SUZ12: variants seen among roughly 807,000 people sequenced by gnomAD.
SUZ12 encodes SUZ12 polycomb repressive complex 2 subunit.
SUZ12 carries 17 observed loss-of-function variants against 87.3 expected under a neutral mutation model. The observed-to-expected ratio is 0.19, with a 90% CI of 0.13 to 0.29. SUZ12 has a LOEUF of 0.29. SUZ12 is among the 10% of genes least tolerant of loss of function. The probability of loss-of-function intolerance (pLI) is 1.00; values close to 1 mark genes in which losing one functional copy is unlikely to be tolerated. For missense variants in SUZ12, 526 were observed against 912.2 expected, an observed-to-expected ratio of 0.58 and a Z score of 5.45; for synonymous variants, 253 against 312.4, an observed-to-expected ratio of 0.81 and a Z score of 2.01.
At chr17:31,946,756 A>G (rs1257714195) in intron 3 of SUZ12, among the ~76,000 whole-genome samples, 1 of 152,216 alleles carries the variant, frequency 6.6e-6, no homozygotes, top group Non-Finnish European at 1.5e-5. Context: ...TCTTATCTCT[A>G]GAACATGTCA....
At chr17:31,939,400 A>G (rs1906131983) in intron 1 of SUZ12, among the ~76,000 whole-genome samples, 2 of 151,926 alleles carry the variant, frequency 1.3e-5, no homozygotes, top group South Asian at 4.1e-4. Flanking sequence ...CCCCTTTTCA[A>G]AAAAAGAAAA....
At chr17:31,937,642 G>T (rs1420177351) in intron 1 of SUZ12, 122 bp downstream of exon 1, 3 of 1,336,898 alleles carry the variant, frequency 2.2e-6, no homozygotes, top group African/African-American at 1.6e-5. Context: ...GGGAGGAATT[G>T]AGGGGATGTC....
At chr17:31,960,305 G>A (rs1346074469) in intron 4 of SUZ12, among the ~76,000 whole-genome samples, 1 of 152,058 alleles carries the variant, frequency 6.6e-6, no homozygotes, top group Non-Finnish European at 1.5e-5. Context: ...CCGCCTCCCA[G>A]GTTTAAGCGA....
At chr17:31,964,227 G>A (rs1907945538) in intron 4 of SUZ12, among the ~76,000 whole-genome samples, 1 of 151,154 alleles carries the variant, frequency 6.6e-6, no homozygotes, top group Non-Finnish European at 1.5e-5. Flanking sequence ...GGGTTTCACC[G>A]TGTTAGCCAG....
At chr17:31,942,721 A>C (rs1906381420) in intron 3 of SUZ12, among the ~76,000 whole-genome samples, 1 of 152,210 alleles carries the variant, frequency 6.6e-6, no homozygotes, top group African/African-American at 2.4e-5. Context: ...TTAAATCATT[A>C]GATTTTAAAG....
intron 5 of SUZ12, among the ~76,000 whole-genome samples, chr17:31,971,038 A>AATAT (rs1259730308): frequency 6.6e-6 from 1 of 152,134 alleles, no homozygotes; most frequent in Non-Finnish European, 1.5e-5. Flanking sequence ...TTACATAGAG[A>AATAT]ATATAGACTA....
At chr17:31,944,260 C>G (rs1030932671) in intron 3 of SUZ12, among the ~76,000 whole-genome samples, 4 of 151,948 alleles carry the variant, frequency 2.6e-5, no homozygotes, top group African/African-American at 9.7e-5. Flanking sequence ...TCCCGAGTAG[C>G]TGGGATTACA....
chr17:31,996,289 A>C (rs149850588), intron 14 of SUZ12, among the ~76,000 whole-genome samples: 2 of 152,112 alleles, frequency 1.3e-5, no homozygotes. Flanking sequence ...TTTCATTTCT[A>C]TATTTATAGG....
intron 4 of SUZ12, among the ~76,000 whole-genome samples, chr17:31,964,947 A>G (rs759665489): frequency 7.9e-5 from 12 of 151,778 alleles, no homozygotes; most frequent in Non-Finnish European, 1.8e-4. Flanking sequence ...GCGCCATTGC[A>G]CTCCAACCTG....
At chr17:31,951,509 G>A (rs1906977180) in intron 4 of SUZ12, among the ~76,000 whole-genome samples, 1 of 148,260 alleles carries the variant, frequency 6.7e-6, no homozygotes, top group Non-Finnish European at 1.5e-5. Context: ...TTGAGACGGA[G>A]TCTCGCTCTG....
In SUZ12 at chr17:31,994,707, T is replaced by G; in HGVS notation, c.1581T>G (p.His527Gln). 6.2e-7 allele frequency: 1 copy of G among 1,613,716 alleles called. No individual in the cohort carries two copies. The highest frequency in any genetic ancestry group is 8.5e-7 in the Non-Finnish European group (1 of 1,179,892). ...CAGTTAAGAGAACACCTATCACACA[T>G]ATTCTTGTGTGCAGGTAGGTAAAAA... ...NGPVKRTPIT[H>Q]ILVCRPKRTK... Residue 527 changes from histidine to glutamine, a missense_variant, in exon 13 of 16, where the codon CAT becomes CAG. His to Gln is a conservative substitution (Grantham distance 24). Coordinates refer to ENST00000322652, the MANE Select transcript of SUZ12 (RefSeq NM_015355.4).
intron 1 of SUZ12, 85 bp downstream of exon 1, chr17:31,937,605 T>G (rs908995185): frequency 3.3e-6 from 5 of 1,501,200 alleles, no homozygotes; most frequent in Non-Finnish European, 4.4e-6. Flanking sequence ...CCCTTCCTCC[T>G]CGGGAGTCCA....
intron 10 of SUZ12, among the ~76,000 whole-genome samples, chr17:31,991,212 A>T (rs1909705103): frequency 6.6e-6 from 1 of 152,108 alleles, no homozygotes; most frequent in African/African-American, 2.4e-5. Context: ...GGTCAGATTA[A>T]AGAGATATAA....
chr17:31,982,892 A>G (rs1255708959), intron 8 of SUZ12, 107 bp from the exon 9 acceptor site: 17 of 1,364,310 alleles, frequency 1.2e-5, no homozygotes. Context: ...TATGTAAGCT[A>G]GTTTATAAAT....
chr17:31,999,474 T>C lies in SUZ12; in HGVS notation c.*471T>C, dbSNP rs1260668672. 2.2e-5 allele frequency: 5 copies of C among 231,358 alleles called. No individual in the cohort carries two copies. The Admixed American group carries it at 2.3e-4, about 10-fold the overall frequency. The allele number at this position is 231,358 out of a possible 1,614,324, so 14.3% of individuals were successfully genotyped here. On this transcript the variant is annotated 3_prime_UTR_variant, in exon 16 of 16. Coordinates refer to ENST00000322652, the MANE Select transcript of SUZ12 (RefSeq NM_015355.4). ...AAGGAAAAAAATAGAAATTGAAGGA[T>C]TTTTATGAAATTATATTGCATTACT...
At chr17:31,957,894 C>CTTTT (rs1567818962) in intron 4 of SUZ12, among the ~76,000 whole-genome samples, 114 of 123,270 alleles carry the variant, frequency 9.2e-4, no homozygotes, top group African/African-American at 3.0e-3. Flanking sequence ...CACCTTTTGT[C>CTTTT]CTTTTTTTTT....
Position 31,968,656 on chromosome 17 carries a change from G to T in SUZ12, c.505+2460G>T, listed in dbSNP as rs369174649. Reference sequence around the variant, plus strand: ...TAGAAGTAACCTGGGTAGCATTACGGTTTTTGTTTTCCTTAAATTATTTGT... The same window carrying T: ...TAGAAGTAACCTGGGTAGCATTACGTTTTTTGTTTTCCTTAAATTATTTGT... On this transcript the variant is annotated intron_variant, in intron 5 of 15. Coordinates refer to ENST00000322652, the MANE Select transcript of SUZ12 (RefSeq NM_015355.4). 2.2e-3 allele frequency among the ~76,000 whole-genome samples: 334 copies of T among 152,256 alleles called. 1 individual carries two copies. Among genetic ancestry groups the T allele is most frequent in the African/African-American group, 7.3e-3 (304 of 41,544 alleles).
intron 9 of SUZ12, among the ~76,000 whole-genome samples, chr17:31,987,284 C>T (rs961426983): frequency 1.3e-4 from 20 of 152,096 alleles, no homozygotes; most frequent in Non-Finnish European, 2.6e-4. Flanking sequence ...TGTTTTAGTT[C>T]AAGGTGACAT....
Position 31,939,298 on chromosome 17 carries a change from A to T in SUZ12, c.275-988A>T, listed in dbSNP as rs1300756539. ...ATTGACTGACTTTTGAGTGCAGTGGATCCCACCTGTAATCCTAGCTACTCT... is the reference window on the plus strand; with the variant it reads ...ATTGACTGACTTTTGAGTGCAGTGGTTCCCACCTGTAATCCTAGCTACTCT... On this transcript the variant is annotated intron_variant, in intron 1 of 15. Transcript: ENST00000322652. Among the ~76,000 whole-genome samples the T allele has an allele frequency of 2.0e-5, 3 of 152,052 alleles. No individual in the cohort carries two copies. The East Asian group carries it at 5.8e-4, about 29-fold the overall frequency.
Sources: allele counts gnomAD v4.1 joint callset (sites outside exome capture counted in the v4.1 genomes callset), GRCh38; gene constraint gnomAD v4.1.1; transcripts MANE v1.5; gene names NCBI Gene and HGNC (gene_info 2026-07-23, HGNC 2026-07-21).